Variants in AGBL1 observed in about 807,000 individuals in gnomAD.
AGBL1 encodes cytosolic carboxypeptidase 4.
In AGBL1, 130 loss-of-function variants were observed where a neutral mutation model predicts 118.9. The observed-to-expected ratio is 1.09, with a 90% CI of 0.95 to 1.26. The LOEUF (loss-of-function observed/expected upper bound fraction) is 1.26. Among genes scored for constraint, AGBL1 ranks in the 50% most tolerant of loss-of-function variants. The probability of loss-of-function intolerance (pLI) is 0.00; values close to 1 mark genes in which losing one functional copy is unlikely to be tolerated. For missense variants in AGBL1, 1,584 were observed against 1,298.1 expected, an observed-to-expected ratio of 1.22 and a Z score of -3.38; for synonymous variants, 555 against 478.9, an observed-to-expected ratio of 1.16 and a Z score of -2.08.
chr15:86,592,291 C>T (rs2084348164), intron 21 of AGBL1, among the ~76,000 whole-genome samples: 2 of 152,110 alleles, frequency 1.3e-5, no homozygotes, highest in African/African-American at 4.8e-5. Flanking sequence ...CGATTCTTGC[C>T]TCCTCAGAAA....
intron 23 of AGBL1, among the ~76,000 whole-genome samples, chr15:86,974,402 CATATTAAATATAAACATATTTTAT>C (rs1436867324): frequency 0.026 from 2,518 of 97,002 alleles, 101 homozygotes; most frequent in East Asian, 0.06. Context: ...TAAATATAAA[CATATTAAATATAAACATATTTTAT>C]ATATTAAATA....
At chr15:86,093,026 A>G (rs556113828) in intron 1 of AGBL1, among the ~76,000 whole-genome samples, 1 of 152,274 alleles carries the variant, frequency 6.6e-6, no homozygotes, top group African/African-American at 2.4e-5. Context: ...CTGTTTTGGA[A>G]GGTGCCTGGG....
In AGBL1 at chr15:86,908,484, G is replaced by A. The variant is rs77220373; in HGVS notation, c.*1190G>A. On this transcript the variant is annotated 3_prime_UTR_variant, in exon 23 of 23. Coordinates refer to ENST00000614907, the MANE Select transcript of AGBL1 (RefSeq NM_001386094.1). ...AGATTGCACCACTGCATTCCAGCCC[G>A]GCAACAGAGCAAGACTCTGTCTCAA... is the stretch of plus-strand genomic sequence containing the variant. 0.081 allele frequency: 12,363 copies of A among 152,102 alleles called. 755 individuals carry two copies. The highest frequency in any genetic ancestry group is 0.16 in the African/African-American group (6,796 of 41,424). The allele number at this position is 152,102 out of a possible 1,614,324, so 9.4% of individuals were successfully genotyped here.
chr15:86,441,245 C>T (rs2082061135), intron 18 of AGBL1, among the ~76,000 whole-genome samples: 2 of 152,132 alleles, frequency 1.3e-5, no homozygotes, highest in Non-Finnish European at 2.9e-5. Context: ...ATATAATTAT[C>T]ACTTGTTGTT....
Position 86,387,876 on chromosome 15 carries a change from G to T in AGBL1, c.2375-9490G>T, listed in dbSNP as rs1015991714. ...AAATCCATCACTGAAAGATGTCAGA[G>T]CTTCTTGGGCTCCTTGTCATCTGGA... On this transcript the variant is annotated intron_variant, in intron 17 of 22. Coordinates refer to ENST00000614907, the MANE Select transcript of AGBL1 (RefSeq NM_001386094.1). Among the ~76,000 whole-genome samples the T allele has an allele frequency of 8.5e-5, 13 of 152,284 alleles. 1 individual carries two copies. The South Asian group carries it at 1.2e-3, about 15-fold the overall frequency.
chr15:86,847,080 GTTA>G (rs1376320687), intron 22 of AGBL1, among the ~76,000 whole-genome samples: 1 of 151,574 alleles, frequency 6.6e-6, no homozygotes, highest in African/African-American at 2.4e-5. Flanking sequence ...TTTTATTTTA[GTTA>G]TTATGTTCTT....
chr15:86,650,859 C>T (rs775897228), intron 21 of AGBL1, among the ~76,000 whole-genome samples: 13 of 152,276 alleles, frequency 8.5e-5, no homozygotes, highest in East Asian at 3.9e-4. Flanking sequence ...GTCTTGCCCA[C>T]GCTACTCTCT....
intron 22 of AGBL1, among the ~76,000 whole-genome samples, chr15:86,877,777 C>G (rs904291818): frequency 6.6e-6 from 1 of 152,186 alleles, no homozygotes; most frequent in Non-Finnish European, 1.5e-5. Flanking sequence ...TCCGGACACT[C>G]CTTTGGATTA....
At chr15:86,225,424 T>A (rs767937085) in intron 6 of AGBL1, among the ~76,000 whole-genome samples, 1 of 152,176 alleles carries the variant, frequency 6.6e-6, no homozygotes, top group Non-Finnish European at 1.5e-5. Flanking sequence ...TGAGTCTATA[T>A]TCTTGGGCAG....
intron 22 of AGBL1, among the ~76,000 whole-genome samples, chr15:86,775,601 T>C (rs540830027): frequency 2.6e-5 from 4 of 152,228 alleles, no homozygotes; most frequent in East Asian, 1.9e-4. Context: ...GTGGCTAACA[T>C]GAAAAAGACT....
chr15:86,795,587 ATT>A (rs201093513), intron 22 of AGBL1, among the ~76,000 whole-genome samples: 2 of 138,272 alleles, frequency 1.4e-5, no homozygotes, highest in Non-Finnish European at 1.6e-5. Flanking sequence ...TTTCTGCTTG[ATT>A]TTTTTTTTTT....
At chr15:86,334,442 A>G (rs970602358) in intron 17 of AGBL1, among the ~76,000 whole-genome samples, 4 of 152,200 alleles carry the variant, frequency 2.6e-5, no homozygotes, top group African/African-American at 7.2e-5. Context: ...ACTACCTAGG[A>G]ATACGTCTAA....
At chr15:86,190,320 CCTA>C (rs1369035745) in intron 5 of AGBL1, among the ~76,000 whole-genome samples, 1 of 151,832 alleles carries the variant, frequency 6.6e-6, no homozygotes, top group African/African-American at 2.4e-5. Context: ...TTTGTTTATA[CCTA>C]CTATTAATTA....
intron 22 of AGBL1, among the ~76,000 whole-genome samples, chr15:86,748,894 G>T (rs187582284): frequency 2.0e-5 from 3 of 152,198 alleles, no homozygotes; most frequent in African/African-American, 7.2e-5. Context: ...CCAGTTCCAT[G>T]CTCTTTTGGT....
chr15:86,228,628 G>A (rs1360404654), intron 6 of AGBL1, among the ~76,000 whole-genome samples: 1 of 152,180 alleles, frequency 6.6e-6, no homozygotes, highest in Non-Finnish European at 1.5e-5. Flanking sequence ...AGGGATCAGG[G>A]AGACTTGGAG....
intron 21 of AGBL1, among the ~76,000 whole-genome samples, chr15:86,673,138 C>T (rs1286885427): frequency 6.6e-6 from 1 of 152,036 alleles, no homozygotes; most frequent in African/African-American, 2.4e-5. Context: ...AACAGGAAGG[C>T]CTCAGGACCA....
rs376945285 is a variant in AGBL1 at position 86,295,364 on chromosome 15, C to T, written c.2330C>T (p.Thr777Met). The change falls in exon 17 of 23, where the codon ACG (threonine) becomes ATG (methionine). Residue 777 changes from threonine to methionine, a missense_variant. By Grantham distance (81) the Thr-to-Met change is moderately conservative. Transcript: ENST00000614907. ...GGNPCPLVTI[T>M]AMPESNSDEH... Reference sequence around the variant, plus strand: ...AATCCGTGTCCCTTGGTGACCATCACGGCCATGCCTGAGTCCAACAGTGAT... The same window carrying T: ...AATCCGTGTCCCTTGGTGACCATCATGGCCATGCCTGAGTCCAACAGTGAT... The T allele has an allele frequency of 1.6e-5, 26 of 1,609,292 alleles. No homozygotes were observed. Among genetic ancestry groups the T allele is most frequent in the South Asian group, 2.2e-5 (2 of 90,314 alleles).
intron 18 of AGBL1, among the ~76,000 whole-genome samples, chr15:86,479,415 C>A (rs1009167402): frequency 1.3e-5 from 2 of 152,132 alleles, no homozygotes; most frequent in Admixed American, 1.3e-4. Context: ...AACAAGTGGG[C>A]AAAGGATATG....
intron 22 of AGBL1, among the ~76,000 whole-genome samples, chr15:86,883,204 T>C (rs1054055572): frequency 5.9e-5 from 9 of 152,228 alleles, no homozygotes; most frequent in African/African-American, 2.2e-4. Flanking sequence ...AATAATTACA[T>C]CTAATGCTAA....
Sources: allele counts gnomAD v4.1 joint callset (sites outside exome capture counted in the v4.1 genomes callset), GRCh38; gene constraint gnomAD v4.1.1; transcripts MANE v1.5; gene names NCBI Gene and HGNC (gene_info 2026-07-23, HGNC 2026-07-21).